The following GTF2IRD1 variants were observed in gnomAD, a reference collection of about 807,000 sequenced individuals.
GTF2IRD1 encodes general transcription factor II-I repeat domain-containing protein 1.
GTF2IRD1 carries 26 observed loss-of-function variants against 113.2 expected under a neutral mutation model. The observed-to-expected ratio is 0.23, with a 90% CI of 0.17 to 0.32. The LOEUF (loss-of-function observed/expected upper bound fraction) is 0.32, where lower values mean the gene tolerates loss of function less well. Ranked by LOEUF, GTF2IRD1 falls within the 10% of genes least tolerant of loss-of-function variation. The pLI is 1.00. For missense variants in GTF2IRD1, 864 were observed against 1,280.8 expected, an observed-to-expected ratio of 0.67 and a Z score of 4.97; for synonymous variants, 484 against 529.1, an observed-to-expected ratio of 0.91 and a Z score of 1.17.
rs782292862 is a variant in GTF2IRD1 at position 74,529,724 on chromosome 7, G to C, written c.1091-10G>C. ...TAACACTCAGCCTTGCTGTTTGGTT[G>C]TCTTTCCAGCGGAAGCCCTGGGCCT... On this transcript the variant is annotated splice_polypyrimidine_tract_variant and intron_variant, in intron 8 of 26. Coordinates refer to ENST00000424337, the MANE Select transcript of GTF2IRD1 (RefSeq NM_005685.4). The C allele has an allele frequency of 6.2e-7, 1 of 1,613,414 alleles. No individual in the cohort carries two copies. Among genetic ancestry groups the C allele is most frequent in the South Asian group, 1.1e-5 (1 of 91,038 alleles).
chr7:74,457,031 C>T (rs974196684), intron 1 of GTF2IRD1, among the ~76,000 whole-genome samples: 1 of 151,732 alleles, frequency 6.6e-6, no homozygotes, highest in Non-Finnish European at 1.5e-5. Context: ...TTGCTCTGTG[C>T]CCAGGCTGGG....
Position 74,524,099 on chromosome 7 carries a change from C to G in GTF2IRD1, c.1035C>G (p.Thr345=). The change falls in exon 8 of 27, where the codon ACC becomes ACG. Residue 345 remains threonine (T), a synonymous_variant. Coordinates refer to ENST00000424337, the MANE Select transcript of GTF2IRD1 (RefSeq NM_005685.4). The part of the protein sequence containing the change: ...SEKWDAFIKE[T]EDINTLRECV... ...AGTGGGACGCCTTCATAAAGGAAAC[C>G]GAGGACATCAACACGCTCCGGGAGT... is the stretch of plus-strand genomic sequence containing the variant. 1 of 1,612,994 alleles carries G rather than the reference C, an allele frequency of 6.2e-7. No individual in the cohort carries two copies. Among genetic ancestry groups the G allele is most frequent in the Middle Eastern group, 1.7e-4 (1 of 6,056 alleles).
chr7:74,548,836 G>GT (rs1326124040), intron 17 of GTF2IRD1, among the ~76,000 whole-genome samples: 1 of 151,934 alleles, frequency 6.6e-6, no homozygotes, highest in Non-Finnish European at 1.5e-5. Context: ...CCCAGGAGGG[G>GT]TTTGGAGGCT....
chr7:74,588,409 A>T (rs1801857697), intron 22 of GTF2IRD1, among the ~76,000 whole-genome samples: 1 of 151,702 alleles, frequency 6.6e-6, no homozygotes, highest in Non-Finnish European at 1.5e-5. Flanking sequence ...CACCCAGCCA[A>T]CACAAGATCT....
intron 25 of GTF2IRD1, among the ~76,000 whole-genome samples, chr7:74,599,015 C>G (rs1802587702): frequency 6.6e-6 from 1 of 152,174 alleles, no homozygotes; most frequent in Non-Finnish European, 1.5e-5. Context: ...TTCCGGTGGG[C>G]TGAGTGCAGT....
At chr7:74,587,872 G>A (rs782116114) in intron 22 of GTF2IRD1, among the ~76,000 whole-genome samples, 2 of 152,068 alleles carry the variant, frequency 1.3e-5, no homozygotes, top group Admixed American at 6.6e-5. Flanking sequence ...AGGCCGTGAC[G>A]GTTACCTGGG....
chr7:74,494,190 G>T (rs1238847703), intron 1 of GTF2IRD1, among the ~76,000 whole-genome samples: 1 of 152,212 alleles, frequency 6.6e-6, no homozygotes, highest in African/African-American at 2.4e-5. Flanking sequence ...AAAGGTTGCC[G>T]GTGGGAGTTG....
At chr7:74,553,189 G>A (rs1554355578) in intron 17 of GTF2IRD1, among the ~76,000 whole-genome samples, 1 of 151,314 alleles carries the variant, frequency 6.6e-6, no homozygotes. Flanking sequence ...GAGTACAGTG[G>A]TGCTGTCTCG....
intron 7 of GTF2IRD1, among the ~76,000 whole-genome samples, chr7:74,522,080 A>G (rs1797331773): frequency 6.6e-6 from 1 of 152,152 alleles, no homozygotes; most frequent in East Asian, 1.9e-4. Context: ...GGTTTCCTCC[A>G]GAGTTATTGA....
intron 22 of GTF2IRD1, among the ~76,000 whole-genome samples, chr7:74,564,483 G>A (rs1395065034): frequency 6.6e-6 from 1 of 152,176 alleles, no homozygotes; most frequent in African/African-American, 2.4e-5. Flanking sequence ...AGACGTGGTG[G>A]CTTATACCTA....
chr7:74,547,046 G>T, intron 16 of GTF2IRD1, 57 bp from the exon 17 acceptor site: 1 of 1,511,174 alleles, frequency 6.6e-7, no homozygotes, highest in Non-Finnish European at 9.1e-7. Context: ...GGACACAGGG[G>T]TTGAGGCTCC....
chr7:74,531,528 C>T (rs11980403), intron 9 of GTF2IRD1, among the ~76,000 whole-genome samples: 27,702 of 152,012 alleles, frequency 0.18, 2,675 homozygotes, highest in Middle Eastern at 0.21. Context: ...ACACCCCAGC[C>T]TCATCATTTA....
At chr7:74,495,670 A>G (rs1471927051) in intron 1 of GTF2IRD1, among the ~76,000 whole-genome samples, 1 of 152,118 alleles carries the variant, frequency 6.6e-6, no homozygotes, top group Non-Finnish European at 1.5e-5. Context: ...AGGGAGCCCA[A>G]CCGAGGGGCA....
intron 25 of GTF2IRD1, among the ~76,000 whole-genome samples, chr7:74,595,455 G>A (rs1401119165): frequency 6.6e-6 from 1 of 151,512 alleles, no homozygotes; most frequent in Non-Finnish European, 1.5e-5. Flanking sequence ...ACCAGGAGTT[G>A]GAGGCTGCAA....
intron 1 of GTF2IRD1, among the ~76,000 whole-genome samples, chr7:74,459,515 G>A (rs888186285): frequency 6.6e-6 from 1 of 152,008 alleles, no homozygotes; most frequent in African/African-American, 2.4e-5. Context: ...GGGTGAGGAT[G>A]TACTTTATCT....
chr7:74,530,943 A>G (rs2284257), intron 9 of GTF2IRD1, among the ~76,000 whole-genome samples: 37,239 of 152,006 alleles, frequency 0.24, 4,821 homozygotes, highest in East Asian at 0.47. Flanking sequence ...GGTGGCAGGT[A>G]CCTGTAGTCC....
intron 1 of GTF2IRD1, among the ~76,000 whole-genome samples, chr7:74,463,104 A>G (rs1793485256): frequency 6.6e-6 from 1 of 152,194 alleles, no homozygotes; most frequent in Non-Finnish European, 1.5e-5. Context: ...TTTGCCTGAA[A>G]TAAGAGCAGG....
At chr7:74,596,199 C>T (rs1271356791) in intron 25 of GTF2IRD1, among the ~76,000 whole-genome samples, 2 of 152,006 alleles carry the variant, frequency 1.3e-5, no homozygotes, top group Admixed American at 6.6e-5. Context: ...CGGTGGCTCA[C>T]GCGTGTAATC....
intron 1 of GTF2IRD1, among the ~76,000 whole-genome samples, chr7:74,461,128 G>A (rs894726347): frequency 6.6e-6 from 1 of 152,202 alleles, no homozygotes; most frequent in African/African-American, 2.4e-5. Context: ...GTGTGACCCC[G>A]TGGGGATGCC....
Sources: gnomAD v4.1 joint callset for allele counts (sites outside exome capture counted in the v4.1 genomes callset) on GRCh38, gnomAD v4.1.1 for gene constraint, MANE v1.5 for transcripts, NCBI Gene and HGNC (gene_info 2026-07-23, HGNC 2026-07-21) for gene names.